Variants in RTRAF observed in about 807,000 individuals in gnomAD.
The protein encoded by RTRAF is RNA transcription, translation and transport factor.
In RTRAF, 14 loss-of-function variants were observed where a neutral mutation model predicts 34.4. The ratio of observed to expected loss-of-function variants is 0.41; its 90% CI spans 0.27 to 0.64. RTRAF has a LOEUF of 0.64. RTRAF is among the 30% of genes least tolerant of loss of function. The pLI, the probability that RTRAF is intolerant of heterozygous loss-of-function variation, is 0.34. For synonymous variants in RTRAF, 96 were observed against 95.3 expected (o/e 1.01, Z -0.04); for missense variants, 291 against 288.4 (o/e 1.01, Z -0.06).
rs1020309824 is a variant in RTRAF at position 51,998,549 on chromosome 14, T to G, written c.342T>G (p.Thr114=). 8.2e-6 allele frequency: 13 copies of G among 1,593,438 alleles called. No individual in the cohort carries two copies. The highest frequency in any genetic ancestry group is 1.1e-5 in the Non-Finnish European group (13 of 1,169,550). Residue 114 remains threonine, a synonymous_variant, in exon 4 of 8, where the codon ACT becomes ACG. Coordinates refer to ENST00000261700, the MANE Select transcript of RTRAF (RefSeq NM_016039.3). ...PDNSKTADNA[T]KNAEPLINLD... is the part of the protein sequence containing the mutation. ...ATTCAAAAACTGCTGACAATGCAACTAAAAATGCAGAACCATTGATCAATT... is the reference window on the plus strand; with the variant it reads ...ATTCAAAAACTGCTGACAATGCAACGAAAAATGCAGAACCATTGATCAATT...
chr14:51,994,779 T>C (rs8014096), intron 3 of RTRAF, among the ~76,000 whole-genome samples: 22,885 of 152,086 alleles, frequency 0.15, 1,943 homozygotes, highest in African/African-American at 0.22. Flanking sequence ...TTAAGCTCCT[T>C]AGCATGGTAG....
chr14:51,990,780 C>G (rs1321716760), intron 1 of RTRAF, among the ~76,000 whole-genome samples: 1 of 152,120 alleles, frequency 6.6e-6, no homozygotes, highest in Non-Finnish European at 1.5e-5. Context: ...ACAGTTGTCA[C>G]AGTGTCTTTT....
At chr14:52,000,576 G>A (rs938126767) in intron 5 of RTRAF, among the ~76,000 whole-genome samples, 1 of 152,092 alleles carries the variant, frequency 6.6e-6, no homozygotes, top group Non-Finnish European at 1.5e-5. Flanking sequence ...AAGAGATTAA[G>A]CCATAACTTA....
chr14:51,989,678 C>G lies in RTRAF; in HGVS notation c.39C>G (p.Asn13Lys), dbSNP rs1318980002. 2 of 1,605,578 alleles carry G rather than the reference C, an allele frequency of 1.2e-6. No homozygotes were observed. The change falls in exon 1 of 8, where the codon AAC (asparagine) becomes AAG (lysine). Residue 13 changes from asparagine (N) to lysine (K), a missense_variant. Asn to Lys is a moderately conservative substitution (Grantham distance 94). Coordinates refer to ENST00000261700, the MANE Select transcript of RTRAF (RefSeq NM_016039.3). ...AGTTGACGGCTCTCGACTACCACAA[C>G]CCCGCCGGCTTCAACTGCAAAGGTG... ...RRKLTALDYH[N>K]PAGFNCKDET...
chr14:51,989,906 CG>C (rs1429677090), intron 1 of RTRAF, among the ~76,000 whole-genome samples: 1 of 152,232 alleles, frequency 6.6e-6, no homozygotes, highest in Non-Finnish European at 1.5e-5. Context: ...ACTCCTGTCT[CG>C]GCATGTTACT....
chr14:51,996,708 A>G (rs1336636286), intron 3 of RTRAF, among the ~76,000 whole-genome samples: 2 of 152,006 alleles, frequency 1.3e-5, no homozygotes, highest in African/African-American at 4.8e-5. Flanking sequence ...CCTAAAAACA[A>G]CTTTGTCTTA....
chr14:51,989,797 G>GGCCTGGTTTCCGCCGGCA, intron 1 of RTRAF, 97 bp downstream of exon 1: 1 of 1,321,396 alleles, frequency 7.6e-7, no homozygotes, highest in Non-Finnish European at 1.0e-6. Flanking sequence ...GACCCTCGGC[G>GGCCTGGTTTCCGCCGGCA]GCCTGGTTTC....
In RTRAF at chr14:52,005,325, G is replaced by C; in HGVS notation, c.*809G>C. ...TACAGTAGTAAAGATTGAGGTATCA[G>C]CTTTTCACAAAAGTCTTTTTGCACT... On this transcript the variant is annotated 3_prime_UTR_variant, in exon 8 of 8. Transcript: ENST00000261700. 4 of 522,790 alleles carry C rather than the reference G, an allele frequency of 7.7e-6. No individual in the cohort carries two copies. Among genetic ancestry groups the C allele is most frequent in the Non-Finnish European group, 1.3e-5 (4 of 316,062 alleles). The allele number at this position is 522,790 out of a possible 1,614,324, so 32.4% of individuals were successfully genotyped here.
chr14:52,002,234 GTTTTCT>G (rs1385325733), intron 6 of RTRAF, among the ~76,000 whole-genome samples: 2 of 152,182 alleles, frequency 1.3e-5, no homozygotes, highest in African/African-American at 2.4e-5. Context: ...CTACAAATTA[GTTTTCT>G]TTTTCTATCT....
Position 52,008,607 on chromosome 14 carries a change from A to T in RTRAF, c.*4091A>T, listed in dbSNP as rs1212837125. ...TCTGATTATTGTCACTATGTGGGAG[A>T]AGTCATTACTAAGTTACTATCAGAA... On this transcript the variant is annotated 3_prime_UTR_variant, in exon 8 of 8. Transcript: ENST00000261700. 1 of 152,172 alleles carries T rather than the reference A, an allele frequency of 6.6e-6. No individual in the cohort carries two copies. The highest frequency in any genetic ancestry group is 1.5e-5 in the Non-Finnish European group (1 of 68,038). The allele number at this position is 152,172 out of a possible 1,614,324, so 9.4% of individuals were successfully genotyped here.
intron 3 of RTRAF, among the ~76,000 whole-genome samples, chr14:51,997,141 C>T (rs61971507): frequency 0.094 from 14,343 of 151,970 alleles, 909 homozygotes; most frequent in Non-Finnish European, 0.14. Flanking sequence ...CTATTTTCCT[C>T]TTTGTAATAA....
chr14:51,993,913 C>G (rs750913330), intron 3 of RTRAF, 91 bp downstream of exon 3: 2 of 711,114 alleles, frequency 2.8e-6, no homozygotes, highest in Non-Finnish European at 4.6e-6. Context: ...TTTGTTTTGT[C>G]TAGTACTATT....
chr14:52,006,063 A>G lies in RTRAF; in HGVS notation c.*1547A>G. The G allele has an allele frequency of 1.8e-6, 1 of 546,914 alleles. No individual in the cohort carries two copies. The highest frequency in any genetic ancestry group is 3.3e-6 in the Non-Finnish European group (1 of 302,138). The allele number at this position is 546,914 out of a possible 1,614,324, so 33.9% of individuals were successfully genotyped here. A position where few individuals can be genotyped will look rare whatever the true frequency, so the allele number is the denominator to read the frequency against. On this transcript the variant is annotated 3_prime_UTR_variant, in exon 8 of 8. Coordinates refer to ENST00000261700, the MANE Select transcript of RTRAF (RefSeq NM_016039.3). The stretch of plus-strand genomic sequence containing the variant: ...GTTAGAATCACATGATGAGCTATCA[A>G]ATCAGAGTTGTAGGGCATGGTGTAA...
chr14:51,993,849 T>C, intron 3 of RTRAF, 27 bp downstream of exon 3: 1 of 1,359,810 alleles, frequency 7.4e-7, no homozygotes, highest in South Asian at 1.3e-5. Context: ...ATGTGTATTT[T>C]AAAGAGAGAG....
chr14:52,003,738 C>G (rs1890649092), intron 6 of RTRAF, among the ~76,000 whole-genome samples: 1 of 152,166 alleles, frequency 6.6e-6, no homozygotes, highest in Admixed American at 6.5e-5. Context: ...TCTTGGCAAA[C>G]ACCATGCTGG....
chr14:51,997,435 G>A (rs553352504), intron 3 of RTRAF, among the ~76,000 whole-genome samples: 6 of 151,854 alleles, frequency 4.0e-5, no homozygotes, highest in Middle Eastern at 3.4e-3. Context: ...GTATTTTGCT[G>A]TTGATACTGT....
At chr14:51,990,993 A>G (rs766740058) in intron 1 of RTRAF, among the ~76,000 whole-genome samples, 4 of 152,166 alleles carry the variant, frequency 2.6e-5, no homozygotes, top group Non-Finnish European at 5.9e-5. Flanking sequence ...AAATAAAACA[A>G]CTTCTTTTAA....
Position 52,007,575 on chromosome 14 carries a change from C to T in RTRAF, c.*3059C>T, listed in dbSNP as rs1354838749. 4.1e-6 allele frequency: 2 copies of T among 491,666 alleles called. No individual in the cohort carries two copies. Among genetic ancestry groups the T allele is most frequent in the African/African-American group, 2.0e-5 (1 of 50,000 alleles). 30.5% of individuals were successfully genotyped at this position (491,666 alleles called of 1,614,324 possible). A position where few individuals can be genotyped will look rare whatever the true frequency, so the allele number is the denominator to read the frequency against. Reference sequence around the variant, plus strand: ...AACTGTTAAAAATATGCCAGGCACTCATGGTCAGGCAAGCAGTACAAACTT... The same window carrying T: ...AACTGTTAAAAATATGCCAGGCACTTATGGTCAGGCAAGCAGTACAAACTT... On this transcript the variant is annotated 3_prime_UTR_variant, in exon 8 of 8. Coordinates refer to ENST00000261700, the MANE Select transcript of RTRAF (RefSeq NM_016039.3).
In RTRAF at chr14:51,998,511, T is replaced by G. The variant is rs773436638; in HGVS notation, c.304T>G (p.Leu102Val). Reference protein sequence around the residue: ...YGDNAEKYKDLVPDNSKTADN... With the variant: ...YGDNAEKYKDVVPDNSKTADN... The stretch of plus-strand genomic sequence containing the variant: ...TTTTATAGCTGAAAAATACAAGGAT[T>G]TAGTACCTGATAATTCAAAAACTGC... Residue 102 changes from leucine (L) to valine (V), a missense_variant, in exon 4 of 8, where the codon TTA becomes GTA. Coordinates refer to ENST00000261700, the MANE Select transcript of RTRAF (RefSeq NM_016039.3). The G allele has an allele frequency of 1.3e-6, 2 of 1,578,804 alleles. No individual in the cohort carries two copies. Among genetic ancestry groups the G allele is most frequent in the South Asian group, 2.3e-5 (2 of 86,104 alleles).
Sources: allele counts gnomAD v4.1 joint callset (sites outside exome capture counted in the v4.1 genomes callset), GRCh38; gene constraint gnomAD v4.1.1; transcripts MANE v1.5; gene names NCBI Gene and HGNC (gene_info 2026-07-23, HGNC 2026-07-21).